TEX2: variants seen among roughly 807,000 people sequenced by gnomAD.
TEX2 encodes the protein testis-expressed protein 2.
In TEX2, 53 loss-of-function variants were observed where a neutral mutation model predicts 106.9. The observed-to-expected ratio is 0.50, with a 90% CI of 0.40 to 0.62. The LOEUF (loss-of-function observed/expected upper bound fraction) is 0.62, where lower values mean the gene tolerates loss of function less well. Among genes scored for constraint, TEX2 ranks in the 20% least tolerant of loss-of-function variants. The probability of loss-of-function intolerance (pLI) is 0.00; values close to 1 mark genes in which losing one functional copy is unlikely to be tolerated. For synonymous variants in TEX2, 523 were observed against 534.8 expected (o/e 0.98, Z 0.30); for missense variants, 1,207 against 1,379.0 (o/e 0.88, Z 1.98).
chr17:64,192,526 A>C (rs2032335628), intron 4 of TEX2, among the ~76,000 whole-genome samples: 1 of 152,244 alleles, frequency 6.6e-6, no homozygotes, highest in Non-Finnish European at 1.5e-5. Context: ...TCCAGCCTCC[A>C]GTACTGTGAG....
At position 64,260,675 on chromosome 17, in the gene TEX2, G is replaced by T. The variant is rs113874275; in HGVS notation, c.-26+2493C>A. 3.9e-5 allele frequency among the ~76,000 whole-genome samples: 6 copies of T among 152,290 alleles called. 1 individual carries two copies. The East Asian group carries it at 9.6e-4, about 24-fold the overall frequency. On this transcript the variant is annotated intron_variant, in intron 1 of 11. Coordinates refer to ENST00000584379, the MANE Select transcript of TEX2 (RefSeq NM_001288732.2). The stretch of plus-strand genomic sequence containing the variant: ...GGGGCAGAAAACAGTACCTGGCTGA[G>T]TTGGAACTCAACACTGCTCTCTTTT...
chr17:64,197,393 A>G (rs1555629504), intron 2 of TEX2, among the ~76,000 whole-genome samples: 3 of 152,008 alleles, frequency 2.0e-5, no homozygotes, highest in Admixed American at 1.3e-4. Context: ...ATGTTGTCCA[A>G]TTTCTGGGCA....
intron 2 of TEX2, among the ~76,000 whole-genome samples, chr17:64,200,786 C>T (rs2032634886): frequency 6.6e-6 from 1 of 152,130 alleles, no homozygotes; most frequent in Admixed American, 6.5e-5. Flanking sequence ...CCTTCTCTTG[C>T]GAAAGCCTGG....
At chr17:64,187,950 C>T (rs1258700074) in intron 5 of TEX2, among the ~76,000 whole-genome samples, 1 of 152,218 alleles carries the variant, frequency 6.6e-6, no homozygotes, top group East Asian at 1.9e-4. Context: ...ACTTCCCCTC[C>T]TCCCTTGTCT....
At chr17:64,201,120 G>A (rs782790277) in intron 2 of TEX2, among the ~76,000 whole-genome samples, 25 of 152,104 alleles carry the variant, frequency 1.6e-4, no homozygotes, top group African/African-American at 4.6e-4. Context: ...AAACACATGC[G>A]CTGAAACCAA....
intron 7 of TEX2, among the ~76,000 whole-genome samples, chr17:64,167,766 T>G (rs2031206619): frequency 6.6e-6 from 1 of 151,706 alleles, no homozygotes; most frequent in African/African-American, 2.4e-5. Flanking sequence ...TTGCAGTGAG[T>G]TGAGATCATG....
At position 64,217,986 on chromosome 17, in the gene TEX2, C is replaced by T. The variant is rs1364475099; in HGVS notation, c.-25-3744G>A. Among the ~76,000 whole-genome samples, 1 of 152,130 alleles carries T rather than the reference C, an allele frequency of 6.6e-6. No individual in the cohort carries two copies. Among genetic ancestry groups the T allele is most frequent in the Non-Finnish European group, 1.5e-5 (1 of 68,032 alleles). On this transcript the variant is annotated intron_variant, in intron 1 of 11. Coordinates refer to ENST00000584379, the MANE Select transcript of TEX2 (RefSeq NM_001288732.2). This position sits in a 1 kb window ranked among gnomAD's most constrained non-coding sequence, Gnocchi z 4.3. ...GAATGGATGAGGGTGGCAGAGGCAA[C>T]ATGGAAAAACAGGTCTGGAGTCTGG...
intron 7 of TEX2, among the ~76,000 whole-genome samples, chr17:64,166,845 G>A (rs920818287): frequency 3.3e-5 from 5 of 152,232 alleles, no homozygotes; most frequent in African/African-American, 1.2e-4. Flanking sequence ...GCAGGCCCTG[G>A]AGGTGGCAGC....
At position 64,150,834 on chromosome 17, in the gene TEX2, G is replaced by A; in HGVS notation, c.3261+7C>T. 1.2e-6 allele frequency: 2 copies of A among 1,612,548 alleles called. No individual in the cohort carries two copies. Among genetic ancestry groups the A allele is most frequent in the South Asian group, 1.1e-5 (1 of 90,674 alleles). ...GTGTGAAATACTAGATAACACTAGAGGTTTACCTGAAACTCTTGCTCCAGT... is the reference window on the plus strand; with the variant it reads ...GTGTGAAATACTAGATAACACTAGAAGTTTACCTGAAACTCTTGCTCCAGT... On this transcript the variant is annotated splice_region_variant and intron_variant, in intron 11 of 11. Transcript: ENST00000584379.
chr17:64,215,308 TGAG>T lies in TEX2; in HGVS notation c.-25-1069_-25-1067del, dbSNP rs781901028. On this transcript the variant is annotated intron_variant, in intron 1 of 11. Transcript: ENST00000584379. ...GACACAGGGCACGCTTCAGAAGTTC[TGAG>T]GAGGATGACACCAGTGTGGGAGGTG... Among the ~76,000 whole-genome samples, 39 of 152,336 alleles carry T rather than the reference TGAG, an allele frequency of 2.6e-4. 1 individual carries two copies. The highest frequency in any genetic ancestry group is 2.0e-4 in the Admixed American group (3 of 15,308).
chr17:64,199,590 G>T (rs2032592266), intron 2 of TEX2, among the ~76,000 whole-genome samples: 1 of 152,092 alleles, frequency 6.6e-6, no homozygotes, highest in African/African-American at 2.4e-5. Context: ...GAAAAAGCAG[G>T]TAAAATTAAT....
At chr17:64,164,420 A>C (rs1294825616) in intron 7 of TEX2, among the ~76,000 whole-genome samples, 1 of 151,808 alleles carries the variant, frequency 6.6e-6, no homozygotes, top group Admixed American at 6.6e-5. Context: ...CCTCTGTCTC[A>C]AAAGAAGAAG....
intron 5 of TEX2, among the ~76,000 whole-genome samples, chr17:64,182,946 T>C (rs1307179203): frequency 6.6e-6 from 1 of 151,744 alleles, no homozygotes; most frequent in Non-Finnish European, 1.5e-5. Context: ...TGCTGTGTCA[T>C]CCAGGCTGGA....
At chr17:64,238,469 T>G (rs1555635369) in intron 1 of TEX2, among the ~76,000 whole-genome samples, 1 of 152,262 alleles carries the variant, frequency 6.6e-6, no homozygotes, top group South Asian at 2.1e-4. Context: ...TCTGTTCTCA[T>G]GCTGCTTTGA....
At position 64,150,559 on chromosome 17, in the gene TEX2, C is replaced by A. The variant is rs193089248; in HGVS notation, c.3261+282G>T. On this transcript the variant is annotated intron_variant, in intron 11 of 11. Coordinates refer to ENST00000584379, the MANE Select transcript of TEX2 (RefSeq NM_001288732.2). The stretch of plus-strand genomic sequence containing the variant: ...TAAGAGAAAACAAAGCCTGACAGTC[C>A]TGGCAGGCTTGCTGGGAAAAGACAT... 35 of 206,130 alleles carry A rather than the reference C, an allele frequency of 1.7e-4. No individual in the cohort carries two copies. The East Asian group carries it at 3.5e-3, about 21-fold the overall frequency. The allele number at this position is 206,130 out of a possible 1,614,324, so 12.8% of individuals were successfully genotyped here. A position where few individuals can be genotyped will look rare whatever the true frequency, so the allele number is the denominator to read the frequency against.
intron 5 of TEX2, among the ~76,000 whole-genome samples, chr17:64,181,842 A>G (rs2031881406): frequency 1.4e-5 from 2 of 141,720 alleles, no homozygotes; most frequent in Admixed American, 1.4e-4. Flanking sequence ...TTTTTTTTAC[A>G]GTTTTACTTA....
chr17:64,253,343 T>C (rs200002620), intron 1 of TEX2, among the ~76,000 whole-genome samples: 1 of 141,506 alleles, frequency 7.1e-6, no homozygotes, highest in Non-Finnish European at 1.6e-5. Context: ...CTTTTTTTTT[T>C]TTTTGTAGAC....
At chr17:64,252,479 A>T (rs1283228303) in intron 1 of TEX2, among the ~76,000 whole-genome samples, 1 of 151,896 alleles carries the variant, frequency 6.6e-6, no homozygotes, top group Non-Finnish European at 1.5e-5. Context: ...TAATTTTTAA[A>T]TTTTTTGTAA....
chr17:64,155,613 A>T (rs1011561818), intron 8 of TEX2: 1 of 152,194 alleles, frequency 6.6e-6, no homozygotes, highest in Non-Finnish European at 1.5e-5. Flanking sequence ...AGACTCTAGG[A>T]AGCAACTGAC....
Sources: gnomAD v4.1 joint callset for allele counts (sites outside exome capture counted in the v4.1 genomes callset) on GRCh38, gnomAD v4.1.1 for gene constraint, Gnocchi (gnomAD v3.1) non-coding constraint, MANE v1.5 for transcripts, NCBI Gene and HGNC (gene_info 2026-07-23, HGNC 2026-07-21) for gene names.